Variants in HMBOX1 observed in about 807,000 individuals in gnomAD.
HMBOX1 encodes homeobox containing 1, also known as homeobox-containing protein 1.
Under a neutral mutation model 54.5 loss-of-function variants are expected in HMBOX1, and 14 were observed. That is an observed-to-expected ratio of 0.26 (90% CI 0.17 to 0.40). The LOEUF (loss-of-function observed/expected upper bound fraction) is 0.40. Among genes scored for constraint, HMBOX1 ranks in the 10% least tolerant of loss-of-function variants. The pLI is 1.00. For missense variants in HMBOX1, 332 were observed against 514.4 expected, an observed-to-expected ratio of 0.65 and a Z score of 3.43; for synonymous variants, 160 against 181.0, an observed-to-expected ratio of 0.88 and a Z score of 0.93.
intron 1 of HMBOX1, among the ~76,000 whole-genome samples, chr8:28,950,622 C>G (rs923528696): frequency 1.2e-4 from 18 of 152,104 alleles, no homozygotes; most frequent in Admixed American, 5.9e-4. Context: ...AACAGTGAAG[C>G]CACAGGGGAA....
chr8:29,040,957 CTATT>C (rs1258010978), intron 6 of HMBOX1, among the ~76,000 whole-genome samples: 3 of 152,090 alleles, frequency 2.0e-5, no homozygotes, highest in Non-Finnish European at 4.4e-5. Flanking sequence ...ATGGCTTTAT[CTATT>C]TGTTACAAGA....
Position 29,051,250 on chromosome 8 carries a change from T to A in HMBOX1, c.*95T>A. On this transcript the variant is annotated 3_prime_UTR_variant, in exon 10 of 10. Coordinates refer to ENST00000287701, the MANE Select transcript of HMBOX1 (RefSeq NM_001135726.3). ...TAACATGTGTTCTTACAGTATAACT[T>A]GCAGTTTCTTGTATGTCAGGTAGCT... is the stretch of plus-strand genomic sequence containing the variant. 7.3e-7 allele frequency: 1 copy of A among 1,376,156 alleles called. No individual in the cohort carries two copies. The highest frequency in any genetic ancestry group is 1.9e-5 in the Admixed American group (1 of 51,284). The allele number at this position is 1,376,156 out of a possible 1,614,324, so 85.2% of individuals were successfully genotyped here.
chr8:29,024,488 A>C (rs1801709956), intron 6 of HMBOX1, among the ~76,000 whole-genome samples: 1 of 152,192 alleles, frequency 6.6e-6, no homozygotes, highest in Non-Finnish European at 1.5e-5. Flanking sequence ...AGGAGTGTGG[A>C]TAATGGACAA....
At position 28,951,702 on chromosome 8, in the gene HMBOX1, G is replaced by A. The variant is rs979021906; in HGVS notation, c.-57-12109G>A. Among the ~76,000 whole-genome samples the A allele has an allele frequency of 4.6e-5, 7 of 152,302 alleles. No homozygotes were observed. The East Asian group carries it at 5.8e-4, about 13-fold the overall frequency. On this transcript the variant is annotated intron_variant, in intron 1 of 9. Transcript: ENST00000287701. ...CAAATTTAATATACAAAAAAATGACGTGGTGAAGAGAGAAAGTACTGAATA... is the reference window on the plus strand; with the variant it reads ...CAAATTTAATATACAAAAAAATGACATGGTGAAGAGAGAAAGTACTGAATA...
chr8:28,903,808 C>T (rs1020809640), intron 1 of HMBOX1, among the ~76,000 whole-genome samples: 3 of 152,154 alleles, frequency 2.0e-5, no homozygotes, highest in African/African-American at 7.2e-5. Flanking sequence ...TATAGACATA[C>T]ATGCATTTGT....
chr8:28,970,460 C>T lies in HMBOX1; in HGVS notation c.441C>T (p.Tyr147=). 2 of 1,613,654 alleles carry T rather than the reference C, an allele frequency of 1.2e-6. No homozygotes were observed. The highest frequency in any genetic ancestry group is 1.1e-5 in the South Asian group (1 of 91,026). The change falls in exon 3 of 10, where the codon TAC becomes TAT. Residue 147 remains tyrosine, a synonymous_variant. Coordinates refer to ENST00000287701, the MANE Select transcript of HMBOX1 (RefSeq NM_001135726.3). The surrounding 1 kb of genome is among the most constrained non-coding windows in gnomAD (Gnocchi z 4.3). ...CAAACAGCATGGGTCAGAGGTCATACAGTTTTGAAGCCTCAGAAGAGGACC... is the reference window on the plus strand; with the variant it reads ...CAAACAGCATGGGTCAGAGGTCATATAGTTTTGAAGCCTCAGAAGAGGACC... ...YHANSMGQRS[Y]SFEASEEDLD...
intron 1 of HMBOX1, among the ~76,000 whole-genome samples, chr8:28,903,287 C>T (rs1813601720): frequency 2.0e-5 from 3 of 152,192 alleles, no homozygotes; most frequent in Admixed American, 1.3e-4. Context: ...AGTGATGATG[C>T]CACTTGTGGC....
intron 1 of HMBOX1, among the ~76,000 whole-genome samples, chr8:28,906,525 C>A (rs11987985): frequency 0.17 from 25,423 of 152,130 alleles, 2,555 homozygotes; most frequent in East Asian, 0.47. Context: ...TTTCCTCTCA[C>A]TTTTCAAACA....
At chr8:28,983,174 C>T (rs537659172) in intron 4 of HMBOX1, among the ~76,000 whole-genome samples, 2 of 152,304 alleles carry the variant, frequency 1.3e-5, no homozygotes, top group Non-Finnish European at 2.9e-5. Flanking sequence ...CTTGTTCTTC[C>T]TCCTCTTCAT....
Position 29,048,948 on chromosome 8 carries a change from TCGAAGAAGCA to T in HMBOX1, c.1031-5_1035del. On this transcript the variant is annotated splice_acceptor_variant and splice_polypyrimidine_tract_variant and coding_sequence_variant and intron_variant, in exon 9 of 10. Coordinates refer to ENST00000287701, the MANE Select transcript of HMBOX1 (RefSeq NM_001135726.3). LOFTEE classifies it high-confidence loss of function. Reference sequence around the variant, plus strand: ...TAATTTAGGGATCTATTTGCTTTTTTCGAAGAAGCAGCAATCCTGGAGAGTCATGGGATAG... The same window carrying T: ...TAATTTAGGGATCTATTTGCTTTTTTGCAATCCTGGAGAGTCATGGGATAG... 1 of 1,590,532 alleles carries T rather than the reference TCGAAGAAGCA, an allele frequency of 6.3e-7. No homozygotes were observed. The highest frequency in any genetic ancestry group is 1.3e-5 in the African/African-American group (1 of 74,420).
chr8:28,990,918 T>C (rs1017492031), intron 4 of HMBOX1, among the ~76,000 whole-genome samples: 11 of 152,160 alleles, frequency 7.2e-5, no homozygotes, highest in African/African-American at 2.7e-4. Context: ...CCTCCCAAAG[T>C]GCTGGGATTA....
At chr8:28,977,826 C>T (rs1218151855) in intron 3 of HMBOX1, among the ~76,000 whole-genome samples, 1 of 151,802 alleles carries the variant, frequency 6.6e-6, no homozygotes, top group East Asian at 1.9e-4. Flanking sequence ...CGCCTGTAGT[C>T]CCAGCTACTC....
Position 28,970,189 on chromosome 8 carries a change from A to G in HMBOX1, c.170A>G (p.His57Arg). 1 of 1,614,204 alleles carries G rather than the reference A, an allele frequency of 6.2e-7. No homozygotes were observed. ...ACTTTGGACCGTCTTGATCAAGAGCATAGTGACAAGTTTGGAAGAAGGTCC... is the reference window on the plus strand; with the variant it reads ...ACTTTGGACCGTCTTGATCAAGAGCGTAGTGACAAGTTTGGAAGAAGGTCC... ...LETLDRLDQE[H>R]SDKFGRRSSY... Residue 57 changes from histidine (H) to arginine (R), a missense_variant, in exon 3 of 10, where the codon CAT becomes CGT. His to Arg is a conservative substitution (Grantham distance 29). Coordinates refer to ENST00000287701, the MANE Select transcript of HMBOX1 (RefSeq NM_001135726.3). This position sits in a 1 kb window ranked among gnomAD's most constrained non-coding sequence, Gnocchi z 4.3.
chr8:28,999,004 A>T (rs1180316385), intron 4 of HMBOX1, among the ~76,000 whole-genome samples: 1 of 152,160 alleles, frequency 6.6e-6, no homozygotes, highest in South Asian at 2.1e-4. Flanking sequence ...TTTATAAATA[A>T]AAAAGGAGTT....
intron 4 of HMBOX1, among the ~76,000 whole-genome samples, chr8:28,980,948 T>C (rs1829236848): frequency 6.6e-6 from 1 of 152,196 alleles, no homozygotes; most frequent in South Asian, 2.1e-4. Flanking sequence ...CCTCCTTTTG[T>C]TAACATTCTA....
At chr8:28,939,946 T>C (rs952366984) in intron 1 of HMBOX1, among the ~76,000 whole-genome samples, 3 of 152,202 alleles carry the variant, frequency 2.0e-5, no homozygotes, top group South Asian at 2.1e-4. Flanking sequence ...CTTTTACGCA[T>C]GATGTTCCCT....
At chr8:28,899,574 A>T (rs909814213) in intron 1 of HMBOX1, among the ~76,000 whole-genome samples, 1 of 152,224 alleles carries the variant, frequency 6.6e-6, no homozygotes, top group Non-Finnish European at 1.5e-5. Context: ...TTCTCTGCAG[A>T]TCTGGCAACA....
intron 1 of HMBOX1, 22 bp from the exon 2 acceptor site, chr8:28,963,789 A>G (rs758162208): frequency 2.2e-5 from 26 of 1,197,634 alleles, no homozygotes; most frequent in Non-Finnish European, 2.8e-5. Context: ...ATGTTTCTCA[A>G]TTTTCTATCT....
At chr8:28,921,845 AGAG>A (rs1479214561) in intron 1 of HMBOX1, among the ~76,000 whole-genome samples, 5 of 152,234 alleles carry the variant, frequency 3.3e-5, no homozygotes, top group Non-Finnish European at 7.3e-5. Flanking sequence ...TTATGGAGAT[AGAG>A]AAGACCTATA....
Sources: gnomAD v4.1 joint callset for allele counts (sites outside exome capture counted in the v4.1 genomes callset) on GRCh38, gnomAD v4.1.1 for gene constraint, Gnocchi (gnomAD v3.1) non-coding constraint, MANE v1.5 for transcripts, NCBI Gene and HGNC (gene_info 2026-07-23, HGNC 2026-07-21) for gene names.